Variants in NRXN1 observed in about 807,000 individuals in gnomAD.
The protein encoded by NRXN1 is neurexin-1.
In NRXN1, 39 loss-of-function variants were observed where a neutral mutation model predicts 150.9. The ratio of observed to expected loss-of-function variants is 0.26; its 90% CI spans 0.20 to 0.34. The LOEUF (loss-of-function observed/expected upper bound fraction) is 0.34, where lower values mean the gene tolerates loss of function less well. Among genes scored for constraint, NRXN1 ranks in the 10% least tolerant of loss-of-function variants. The probability of loss-of-function intolerance (pLI) is 1.00; values close to 1 mark genes in which losing one functional copy is unlikely to be tolerated. For missense variants in NRXN1, 1,815 were observed against 1,949.9 expected (o/e 0.93, Z 1.30); for synonymous variants, 924 against 757.0 (o/e 1.22, Z -3.62).
intron 5 of NRXN1, among the ~76,000 whole-genome samples, chr2:50,770,582 G>C (rs1052386377): frequency 5.9e-5 from 9 of 151,892 alleles, no homozygotes; most frequent in African/African-American, 2.2e-4. Context: ...TAATTTGCTG[G>C]AGCATAAAAT....
At chr2:50,690,593 G>A (rs1358068354) in intron 5 of NRXN1, among the ~76,000 whole-genome samples, 3 of 152,190 alleles carry the variant, frequency 2.0e-5, no homozygotes, top group Non-Finnish European at 4.4e-5. Flanking sequence ...TTGAGAATAA[G>A]TGTAATTGAA....
At chr2:50,312,190 A>G (rs940073679) in intron 17 of NRXN1, among the ~76,000 whole-genome samples, 1 of 152,130 alleles carries the variant, frequency 6.6e-6, no homozygotes, top group Non-Finnish European at 1.5e-5. Context: ...CAGTCCAACC[A>G]AATTATGAGA....
intron 18 of NRXN1, among the ~76,000 whole-genome samples, chr2:50,189,628 C>CA (rs2061326925): frequency 6.6e-6 from 1 of 151,872 alleles, no homozygotes; most frequent in African/African-American, 2.4e-5. Context: ...GGCAAATGAT[C>CA]AATTGACAAA....
intron 21 of NRXN1, among the ~76,000 whole-genome samples, chr2:49,961,964 G>T (rs778640773): frequency 6.1e-4 from 93 of 152,200 alleles, no homozygotes; most frequent in Middle Eastern, 6.8e-3. Context: ...GGTGTGGCTG[G>T]GTATGGTGGC....
At chr2:50,070,784 A>AAC (rs1558813396) in intron 19 of NRXN1, among the ~76,000 whole-genome samples, 1 of 149,744 alleles carries the variant, frequency 6.7e-6, no homozygotes, top group Non-Finnish European at 1.5e-5. Flanking sequence ...AAAAAAAAAA[A>AAC]AAAAACCTGT....
At chr2:50,458,968 T>C (rs896276229) in intron 17 of NRXN1, among the ~76,000 whole-genome samples, 10 of 152,120 alleles carry the variant, frequency 6.6e-5, no homozygotes, top group African/African-American at 2.4e-4. Flanking sequence ...GTAAAGCTTA[T>C]AAAATTTAAA....
intron 10 of NRXN1, among the ~76,000 whole-genome samples, chr2:50,535,922 A>G (rs2093247204): frequency 6.6e-6 from 1 of 152,148 alleles, no homozygotes; most frequent in Non-Finnish European, 1.5e-5. Flanking sequence ...ATTTTTGCTC[A>G]AAGTTAATAA....
chr2:50,317,513 C>T (rs1258695931), intron 17 of NRXN1, among the ~76,000 whole-genome samples: 1 of 150,958 alleles, frequency 6.6e-6, no homozygotes, highest in African/African-American at 2.4e-5. Flanking sequence ...AATTGCTATA[C>T]CCAGTGGAAA....
At chr2:50,488,940 G>A (rs1303161321) in intron 15 of NRXN1, among the ~76,000 whole-genome samples, 3 of 152,192 alleles carry the variant, frequency 2.0e-5, no homozygotes, top group Non-Finnish European at 2.9e-5. Context: ...TGACGATGAG[G>A]TCTTGTGAGC....
intron 10 of NRXN1, among the ~76,000 whole-genome samples, chr2:50,533,526 G>C (rs139614080): frequency 2.0e-3 from 309 of 152,178 alleles, no homozygotes; most frequent in African/African-American, 7.2e-3. Context: ...AAGTCCTAAA[G>C]GCTCTAATTC....
At chr2:50,868,144 TATATATA>T (rs1677212909) in intron 5 of NRXN1, among the ~76,000 whole-genome samples, 2 of 4,180 alleles carry the variant, frequency 4.8e-4, no homozygotes, top group Non-Finnish European at 1.0e-3. Flanking sequence ...CAAAATATTA[TATATATA>T]TATATATATA....
At chr2:49,977,982 T>C (rs1366084153) in intron 21 of NRXN1, among the ~76,000 whole-genome samples, 3 of 151,894 alleles carry the variant, frequency 2.0e-5, no homozygotes, top group Non-Finnish European at 4.4e-5. Flanking sequence ...GCCAACATGG[T>C]GAAACCCTGT....
chr2:50,607,845 T>A (rs926589812), intron 8 of NRXN1, among the ~76,000 whole-genome samples: 7 of 151,914 alleles, frequency 4.6e-5, no homozygotes, highest in African/African-American at 1.7e-4. Flanking sequence ...TATTTCAGAA[T>A]CCAAAGCTTA....
At chr2:49,941,691 A>G (rs779713223) in intron 22 of NRXN1, among the ~76,000 whole-genome samples, 1 of 152,194 alleles carries the variant, frequency 6.6e-6, no homozygotes, top group African/African-American at 2.4e-5. Context: ...TCATCGCTGT[A>G]TTAATACTGT....
chr2:50,656,180 C>T (rs1686429731), intron 5 of NRXN1, among the ~76,000 whole-genome samples: 1 of 151,930 alleles, frequency 6.6e-6, no homozygotes, highest in African/African-American at 2.4e-5. Flanking sequence ...CTCTCATACA[C>T]CACTTCACCC....
Position 49,921,667 on chromosome 2 carries a change from A to G in NRXN1, c.*277T>C, listed in dbSNP as rs559851330. ...ATGCGTGCGGTCATCACTGTCTTTT[A>G]GAAATGTTCCAGCAACATAAAGACA... On this transcript the variant is annotated 3_prime_UTR_variant, in exon 23 of 23. Transcript: ENST00000401669. 4.6e-6 allele frequency: 2 copies of G among 430,474 alleles called. No homozygotes were observed. The highest frequency in any genetic ancestry group is 9.1e-5 in the East Asian group (2 of 22,042). The allele number at this position is 430,474 out of a possible 1,614,324, so 26.7% of individuals were successfully genotyped here. A position where few individuals can be genotyped will look rare whatever the true frequency, so the allele number is the denominator to read the frequency against.
intron 5 of NRXN1, among the ~76,000 whole-genome samples, chr2:50,640,746 G>A (rs1331946468): frequency 6.6e-6 from 1 of 152,188 alleles, no homozygotes. Flanking sequence ...CCCAGATACA[G>A]AGAAATCCCT....
intron 21 of NRXN1, among the ~76,000 whole-genome samples, chr2:50,014,695 T>C (rs1300413896): frequency 2.0e-5 from 3 of 152,176 alleles, no homozygotes; most frequent in Non-Finnish European, 4.4e-5. Context: ...GCTAAATAAC[T>C]TGCCCAATGT....
At chr2:50,504,732 A>G (rs1280158055) in intron 13 of NRXN1, among the ~76,000 whole-genome samples, 1 of 152,206 alleles carries the variant, frequency 6.6e-6, no homozygotes, top group Non-Finnish European at 1.5e-5. Context: ...GTTTAAGTGC[A>G]GTGACTTCCA....
Sources: allele counts gnomAD v4.1 joint callset (sites outside exome capture counted in the v4.1 genomes callset), GRCh38; gene constraint gnomAD v4.1.1; transcripts MANE v1.5; gene names NCBI Gene and HGNC (gene_info 2026-07-23, HGNC 2026-07-21).